The following DPP10 variants were observed in gnomAD, a reference collection of about 807,000 sequenced individuals.
DPP10 encodes the protein inactive dipeptidyl peptidase 10.
In DPP10, 33 loss-of-function variants were observed where a neutral mutation model predicts 120.9. The observed-to-expected ratio is 0.27, with a 90% CI of 0.21 to 0.37. The LOEUF is 0.37. Ranked by LOEUF, DPP10 falls within the 10% of genes least tolerant of loss-of-function variation. The pLI, the probability that DPP10 is intolerant of heterozygous loss-of-function variation, is 1.00. For missense variants in DPP10, 816 were observed against 942.8 expected (o/e 0.87, Z 1.76); for synonymous variants, 337 against 326.1 (o/e 1.03, Z -0.36).
intron 5 of DPP10, among the ~76,000 whole-genome samples, chr2:115,661,042 C>G (rs190514363): frequency 2.8e-4 from 43 of 152,054 alleles, no homozygotes; most frequent in African/African-American, 1.0e-3. Flanking sequence ...ACTCTGCCTC[C>G]TGGGTTCAAG....
intron 1 of DPP10, among the ~76,000 whole-genome samples, chr2:114,793,222 C>T (rs547835345): frequency 4.1e-4 from 63 of 152,172 alleles, no homozygotes; most frequent in Non-Finnish European, 7.8e-4. Flanking sequence ...TAGGTACACA[C>T]GTGCCATGGT....
At chr2:115,185,708 A>C (rs1226892241) in intron 1 of DPP10, among the ~76,000 whole-genome samples, 1 of 152,216 alleles carries the variant, frequency 6.6e-6, no homozygotes, top group Non-Finnish European at 1.5e-5. Flanking sequence ...ATATTTAATG[A>C]TATCCAATTC....
intron 1 of DPP10, among the ~76,000 whole-genome samples, chr2:114,850,061 T>TA (rs1457679770): frequency 6.6e-6 from 1 of 151,140 alleles, no homozygotes; most frequent in Non-Finnish European, 1.5e-5. Flanking sequence ...TCTTTTTTTT[T>TA]TTCTTTAAGA....
intron 5 of DPP10, among the ~76,000 whole-genome samples, chr2:115,529,226 A>G (rs1298701546): frequency 6.6e-6 from 1 of 151,926 alleles, no homozygotes; most frequent in Non-Finnish European, 1.5e-5. Context: ...GCTGTAGTAC[A>G]ATGCACGATC....
intron 1 of DPP10, among the ~76,000 whole-genome samples, chr2:115,196,091 C>G (rs1257098450): frequency 6.6e-6 from 1 of 152,018 alleles, no homozygotes; most frequent in African/African-American, 2.4e-5. Flanking sequence ...CTTTTTTTCC[C>G]AGGGACCAGA....
At chr2:115,763,739 TA>T (rs1680381138) in intron 12 of DPP10, among the ~76,000 whole-genome samples, 7 of 152,136 alleles carry the variant, frequency 4.6e-5, no homozygotes, top group Non-Finnish European at 1.5e-5. Context: ...TTGTTGCTAC[TA>T]ACATTCCCCT....
chr2:115,137,817 A>G (rs1380444800), intron 1 of DPP10, among the ~76,000 whole-genome samples: 1 of 152,172 alleles, frequency 6.6e-6, no homozygotes, highest in African/African-American at 2.4e-5. Flanking sequence ...TTCTAGGTAC[A>G]CCTGTGCTGT....
chr2:115,775,441 T>C (rs1681984600), intron 13 of DPP10, among the ~76,000 whole-genome samples: 1 of 151,940 alleles, frequency 6.6e-6, no homozygotes, highest in Admixed American at 6.6e-5. Flanking sequence ...TAACTTTACA[T>C]TGATAAACTT....
intron 1 of DPP10, among the ~76,000 whole-genome samples, chr2:114,570,242 A>G (rs1437252905): frequency 1.3e-5 from 2 of 152,196 alleles, no homozygotes; most frequent in East Asian, 1.9e-4. Flanking sequence ...ATGATAACAA[A>G]TCATTTTGTT....
intron 3 of DPP10, among the ~76,000 whole-genome samples, chr2:115,348,454 AT>A (rs1396108222): frequency 6.6e-6 from 1 of 150,902 alleles, no homozygotes; most frequent in African/African-American, 2.4e-5. Context: ...TTTTTTCTCG[AT>A]TTTTTTCAAT....
chr2:114,971,636 G>C (rs764516883), intron 1 of DPP10, among the ~76,000 whole-genome samples: 2 of 152,084 alleles, frequency 1.3e-5, no homozygotes, highest in Non-Finnish European at 2.9e-5. Context: ...AAGAGCGAAA[G>C]TAGACTAACA....
chr2:114,980,212 A>G lies in DPP10; in HGVS notation c.61-329027A>G, dbSNP rs560188236. ...GTCTATTATTTTTCTTGATTCCTCA[A>G]TCAGACAGCCTATATGTGAGGACAG... On this transcript the variant is annotated intron_variant, in intron 1 of 25. Coordinates refer to ENST00000410059, the MANE Select transcript of DPP10 (RefSeq NM_020868.6). Among the ~76,000 whole-genome samples, 22 of 152,252 alleles carry G rather than the reference A, an allele frequency of 1.4e-4. No homozygotes were observed. The South Asian group carries it at 2.7e-3, about 19-fold the overall frequency.
chr2:115,379,019 TG>T (rs2066054231), intron 3 of DPP10, among the ~76,000 whole-genome samples: 1 of 152,224 alleles, frequency 6.6e-6, no homozygotes, highest in Non-Finnish European at 1.5e-5. Flanking sequence ...TTCTCTTTTT[TG>T]GTTGTTTCTC....
intron 1 of DPP10, among the ~76,000 whole-genome samples, chr2:114,567,286 C>T (rs961457210): frequency 6.6e-6 from 1 of 152,144 alleles, no homozygotes; most frequent in African/African-American, 2.4e-5. Flanking sequence ...AGTATGCTGT[C>T]TTACAAATCT....
At chr2:114,965,761 G>A (rs1341897075) in intron 1 of DPP10, among the ~76,000 whole-genome samples, 3 of 151,664 alleles carry the variant, frequency 2.0e-5, no homozygotes, top group African/African-American at 7.2e-5. Flanking sequence ...GGCGGATCAC[G>A]AGGTCAGGAG....
chr2:115,608,765 G>A (rs1444954887), intron 5 of DPP10, among the ~76,000 whole-genome samples: 1 of 151,844 alleles, frequency 6.6e-6, no homozygotes, highest in Non-Finnish European at 1.5e-5. Flanking sequence ...ATGAAAGTGG[G>A]GAGTATAAGA....
At chr2:115,749,897 T>G (rs1807396) in intron 10 of DPP10, 425,719 of 724,254 alleles carry the variant, frequency 0.59, 130,088 homozygotes, top group East Asian at 0.74. Context: ...TAACCTTGTG[T>G]ACAATTAGAT....
chr2:114,580,398 A>AAT (rs1690399781), intron 1 of DPP10, among the ~76,000 whole-genome samples: 1 of 152,208 alleles, frequency 6.6e-6, no homozygotes, highest in Admixed American at 6.5e-5. Flanking sequence ...TTTTCACTCT[A>AAT]GATAACTATC....
intron 1 of DPP10, among the ~76,000 whole-genome samples, chr2:115,167,823 C>G (rs2053012990): frequency 6.6e-6 from 1 of 152,104 alleles, no homozygotes; most frequent in Admixed American, 6.6e-5. Context: ...GACTTTCATT[C>G]AATCAAAATT....
Sources: allele counts gnomAD v4.1 joint callset (sites outside exome capture counted in the v4.1 genomes callset), GRCh38; gene constraint gnomAD v4.1.1; transcripts MANE v1.5; gene names NCBI Gene and HGNC (gene_info 2026-07-23, HGNC 2026-07-21).